Variants in ZNF107 observed in about 807,000 individuals in gnomAD.
The protein encoded by ZNF107 is zinc finger protein 107.
In ZNF107, 19 loss-of-function variants were observed where a neutral mutation model predicts 12.3. That is an observed-to-expected ratio of 1.55 (90% CI 1.08 to 2.27). ZNF107 has a LOEUF of 2.27. Among genes scored for constraint, ZNF107 ranks in the 30% most tolerant of loss-of-function variants. ZNF107 has a pLI of 0.00. For synonymous variants in ZNF107, 317 were observed against 330.5 expected (o/e 0.96, Z 0.44); for missense variants, 958 against 979.9 (o/e 0.98, Z 0.30).
chr7:64,705,968 T>TAA (rs59553545), intron 3 of ZNF107, among the ~76,000 whole-genome samples: 2 of 146,368 alleles, frequency 1.4e-5, no homozygotes, highest in Admixed American at 6.9e-5. Context: ...TTCTTGTCTT[T>TAA]AAAAAAAAAA....
At chr7:64,695,781 G>C (rs6651043) in intron 3 of ZNF107, among the ~76,000 whole-genome samples, 57,510 of 151,962 alleles carry the variant, frequency 0.38, 11,438 homozygotes, top group South Asian at 0.52. Flanking sequence ...GTTTAACGAT[G>C]AATTTATATT....
Position 64,707,086 on chromosome 7 carries a change from A to C in ZNF107, c.989A>C (p.Asn330Thr). The C allele has an allele frequency of 6.2e-7, 1 of 1,611,470 alleles. No individual in the cohort carries two copies. Among genetic ancestry groups the C allele is most frequent in the Non-Finnish European group, 8.5e-7 (1 of 1,179,232 alleles). ...KAFNLFSNLT[N>T]HKRIHAGEKP... ...TTTAACCTATTCTCAAATCTTACTAACCATAAGAGAATTCATGCTGGGGAG... is the reference window on the plus strand; with the variant it reads ...TTTAACCTATTCTCAAATCTTACTACCCATAAGAGAATTCATGCTGGGGAG... The change falls in exon 4 of 4, where the codon AAC (asparagine) becomes ACC (threonine). Residue 330 changes from asparagine to threonine, a missense_variant. Transcript: ENST00000620827.
intron 1 of ZNF107, among the ~76,000 whole-genome samples, chr7:64,668,795 T>G (rs987175107): frequency 5.3e-5 from 8 of 151,982 alleles, no homozygotes; most frequent in African/African-American, 1.9e-4. Context: ...TTTAGAGTGC[T>G]AGCAGGGAAA....
chr7:64,687,994 C>T (rs904616893), intron 1 of ZNF107, among the ~76,000 whole-genome samples: 1 of 152,204 alleles, frequency 6.6e-6, no homozygotes, highest in Non-Finnish European at 1.5e-5. Context: ...CACAATTGTG[C>T]TGCAAAATGC....
chr7:64,680,574 TATG>T (rs1789620954), intron 1 of ZNF107, among the ~76,000 whole-genome samples: 1 of 152,090 alleles, frequency 6.6e-6, no homozygotes, highest in Admixed American at 6.5e-5. Context: ...GGCTGTCAAT[TATG>T]ATAAGTTAAA....
In ZNF107 at chr7:64,708,701, A is replaced by G. The variant is rs1375269918; in HGVS notation, c.*45A>G. 4.6e-6 allele frequency: 7 copies of G among 1,530,986 alleles called. No individual in the cohort carries two copies. The highest frequency in any genetic ancestry group is 6.2e-6 in the Non-Finnish European group (7 of 1,131,628). 94.8% of individuals were successfully genotyped at this position (1,530,986 alleles called of 1,614,324 possible). A position where few individuals can be genotyped will look rare whatever the true frequency, so the allele number is the denominator to read the frequency against. On this transcript the variant is annotated 3_prime_UTR_variant, in exon 4 of 4. Transcript: ENST00000620827. ...ACACATAGGAAAATTCATACTGGAG[A>G]GAAACTACAAATGTGAAGAATGTGT...
At chr7:64,670,462 G>T (rs1332865041) in intron 1 of ZNF107, among the ~76,000 whole-genome samples, 1 of 152,202 alleles carries the variant, frequency 6.6e-6, no homozygotes, top group Non-Finnish European at 1.5e-5. Context: ...AAGTTCAGGA[G>T]CCTGTGGAAA....
chr7:64,673,526 T>G (rs1439310189), intron 1 of ZNF107, among the ~76,000 whole-genome samples: 1 of 152,246 alleles, frequency 6.6e-6, no homozygotes, highest in Non-Finnish European at 1.5e-5. Context: ...TATTTTATTC[T>G]GTAGTTTGTC....
At chr7:64,667,285 C>A (rs183126701) in intron 1 of ZNF107, among the ~76,000 whole-genome samples, 1 of 152,002 alleles carries the variant, frequency 6.6e-6, no homozygotes, top group East Asian at 1.9e-4. Flanking sequence ...ACTATTTGTC[C>A]TTTAGTGTAC....
intron 1 of ZNF107, among the ~76,000 whole-genome samples, chr7:64,683,524 C>T (rs572846927): frequency 6.6e-6 from 1 of 152,226 alleles, no homozygotes; most frequent in South Asian, 2.1e-4. Context: ...AAAACCTGCT[C>T]TGCTAGTCCT....
At chr7:64,698,120 A>C (rs1790356884) in intron 3 of ZNF107, among the ~76,000 whole-genome samples, 2 of 152,060 alleles carry the variant, frequency 1.3e-5, no homozygotes, top group Admixed American at 6.6e-5. Context: ...GTGTGAGGTG[A>C]TTTTGTTTTT....
rs1382473864 is a variant in ZNF107 at position 64,711,553 on chromosome 7, G to A, written c.*2897G>A. On this transcript the variant is annotated 3_prime_UTR_variant, in exon 4 of 4. Coordinates refer to ENST00000620827, the MANE Select transcript of ZNF107 (RefSeq NM_001282359.2). ...TATAAATAAACCATGAGAAAATTCTGAGTTCTGAATAAACATTTAAAAAAT... is the reference window on the plus strand; with the variant it reads ...TATAAATAAACCATGAGAAAATTCTAAGTTCTGAATAAACATTTAAAAAAT... 1 of 125,336 alleles carries A rather than the reference G, an allele frequency of 8.0e-6. No homozygotes were observed. The highest frequency in any genetic ancestry group is 3.0e-5 in the African/African-American group (1 of 33,858). The allele number at this position is 125,336 out of a possible 1,614,324, so 7.8% of individuals were successfully genotyped here. A position where few individuals can be genotyped will look rare whatever the true frequency, so the allele number is the denominator to read the frequency against.
intron 1 of ZNF107, among the ~76,000 whole-genome samples, chr7:64,683,283 T>G (rs1319642433): frequency 6.6e-6 from 1 of 152,138 alleles, no homozygotes; most frequent in East Asian, 1.9e-4. Context: ...ATCAATGCCT[T>G]TCTCATAAAG....
At chr7:64,700,367 T>G (rs1439825319) in intron 3 of ZNF107, among the ~76,000 whole-genome samples, 1 of 152,194 alleles carries the variant, frequency 6.6e-6, no homozygotes, top group African/African-American at 2.4e-5. Context: ...TTCCTCTGTC[T>G]ATTACCATGT....
intron 3 of ZNF107, among the ~76,000 whole-genome samples, chr7:64,694,258 C>T (rs140980363): frequency 2.5e-4 from 38 of 152,340 alleles, no homozygotes; most frequent in Non-Finnish European, 3.4e-4. Flanking sequence ...CAGGACCTCT[C>T]GCAGACTGTG....
chr7:64,703,990 A>G (rs563423965), intron 3 of ZNF107, among the ~76,000 whole-genome samples: 1 of 152,038 alleles, frequency 6.6e-6, no homozygotes, highest in Admixed American at 6.5e-5. Flanking sequence ...CCTCTACAAG[A>G]TAAAACAGTA....
chr7:64,686,411 A>G, intron 1 of ZNF107: 1 of 572,022 alleles, frequency 1.7e-6, no homozygotes, highest in Non-Finnish European at 2.2e-6. Flanking sequence ...TATGCGACAA[A>G]TGCTACTCCT....
intron 1 of ZNF107, among the ~76,000 whole-genome samples, chr7:64,677,581 T>C (rs1209294256): frequency 6.7e-6 from 1 of 150,174 alleles, no homozygotes; most frequent in Non-Finnish European, 1.5e-5. Flanking sequence ...CGGCTAGGCG[T>C]GGTGGCTCAC....
At position 64,691,962 on chromosome 7, in the gene ZNF107, T is replaced by G; in HGVS notation, c.226+2T>G. ...ATGAGATGGTAGCCAAACCCCCAGGTAGGTGAGAGTGAAAGTGAATACAAC... is the reference window on the plus strand; with the variant it reads ...ATGAGATGGTAGCCAAACCCCCAGGGAGGTGAGAGTGAAAGTGAATACAAC... On this transcript the variant is annotated splice_donor_variant, in intron 3 of 3. Coordinates refer to ENST00000620827, the MANE Select transcript of ZNF107 (RefSeq NM_001282359.2). LOFTEE classifies it high-confidence loss of function. 6.6e-7 allele frequency: 1 copy of G among 1,507,592 alleles called. No individual in the cohort carries two copies. Among genetic ancestry groups the G allele is most frequent in the East Asian group, 2.7e-5 (1 of 37,664 alleles). 93.4% of individuals were successfully genotyped at this position (1,507,592 alleles called of 1,614,324 possible).
Sources: allele counts gnomAD v4.1 joint callset (sites outside exome capture counted in the v4.1 genomes callset), GRCh38; gene constraint gnomAD v4.1.1; transcripts MANE v1.5; gene names NCBI Gene and HGNC (gene_info 2026-07-23, HGNC 2026-07-21).